Variants in COL17A1 observed in about 807,000 individuals in gnomAD.
COL17A1 encodes collagen alpha-1(XVII) chain.
A neutral mutation model predicts 218.4 loss-of-function variants in COL17A1; 181 were observed. That is an observed-to-expected ratio of 0.83 (90% CI 0.73 to 0.94). The LOEUF (loss-of-function observed/expected upper bound fraction) is 0.94. Ranked by LOEUF, COL17A1 falls within the 40% of genes least tolerant of loss-of-function variation. The probability of loss-of-function intolerance (pLI) is 0.00; values close to 1 mark genes in which losing one functional copy is unlikely to be tolerated. For synonymous variants in COL17A1, 721 were observed against 731.0 expected (o/e 0.99, Z 0.22); for missense variants, 1,924 against 1,945.9 (o/e 0.99, Z 0.21).
intron 2 of COL17A1, 152 bp from the exon 3 acceptor site, chr10:104,078,738 C>G: frequency 9.7e-7 from 1 of 1,035,614 alleles, no homozygotes; most frequent in Admixed American, 2.3e-5. Context: ...GTGATCTGAC[C>G]CACTGTGCAA....
At chr10:104,081,112 T>C (rs1016700977) in intron 1 of COL17A1, among the ~76,000 whole-genome samples, 2 of 152,262 alleles carry the variant, frequency 1.3e-5, no homozygotes, top group African/African-American at 4.8e-5. Flanking sequence ...ATGTTCTTTA[T>C]GGAACTCTAT....
At position 104,055,001 on chromosome 10, in the gene COL17A1, A is replaced by G. The variant is rs778896277; in HGVS notation, c.1724T>C (p.Met575Thr). ...ATTACCTTTAGGGCCTGGACTTCCC[A>G]TGTCACCTGAAACCAGAAAGATATG... is the stretch of plus-strand genomic sequence containing the variant. Reference protein sequence around the residue: ...LRGSPGPKGDMGSPGPKGDRG... With the variant: ...LRGSPGPKGDTGSPGPKGDRG... The change falls in exon 20 of 56, where the codon ATG becomes ACG. Residue 575 changes from methionine to threonine, a missense_variant. Transcript: ENST00000648076. 3 of 1,614,102 alleles carry G rather than the reference A, an allele frequency of 1.9e-6. No homozygotes were observed. The highest frequency in any genetic ancestry group is 1.7e-6 in the Non-Finnish European group (2 of 1,180,022).
chr10:104,071,841 C>T (rs979112567), intron 8 of COL17A1, among the ~76,000 whole-genome samples, 191 bp downstream of exon 8: 11 of 152,210 alleles, frequency 7.2e-5, no homozygotes, highest in Non-Finnish European at 1.2e-4. Flanking sequence ...GTTTACTCAG[C>T]GGCTTAACCC....
At chr10:104,077,651 C>G (rs1411171404) in intron 3 of COL17A1, 125 bp from the exon 4 acceptor site, 1 of 751,334 alleles carries the variant, frequency 1.3e-6, no homozygotes, top group Non-Finnish European at 2.3e-6. Flanking sequence ...GGGTTCCTTT[C>G]CCACCTACAT....
chr10:104,066,946 C>T (rs563612563), intron 9 of COL17A1, among the ~76,000 whole-genome samples: 22 of 152,202 alleles, frequency 1.4e-4, no homozygotes, highest in Admixed American at 1.3e-3. Context: ...GAAATAAGGC[C>T]GCTCTTGGAA....
chr10:104,059,183 C>T (rs189967747), intron 15 of COL17A1: 459 of 238,282 alleles, frequency 1.9e-3, no homozygotes, highest in Non-Finnish European at 2.7e-3. Context: ...TATGACTTAA[C>T]ATTTTCCTTC....
At chr10:104,077,254 T>C (rs1170445488) in intron 4 of COL17A1, among the ~76,000 whole-genome samples, 168 bp downstream of exon 4, 1 of 152,196 alleles carries the variant, frequency 6.6e-6, no homozygotes, top group African/African-American at 2.4e-5. Flanking sequence ...CTGTGTGTTA[T>C]TTAGATAACT....
intron 4 of COL17A1, 33 bp from the exon 5 acceptor site, chr10:104,076,462 C>CT: frequency 6.2e-7 from 1 of 1,613,326 alleles, no homozygotes; most frequent in Non-Finnish European, 8.5e-7. Context: ...GTTCTCAGTG[C>CT]TTCAGCAGAG....
chr10:104,057,097 G>A lies in COL17A1; in HGVS notation c.1343C>T (p.Pro448Leu). 6.2e-7 allele frequency: 1 copy of A among 1,612,876 alleles called. No homozygotes were observed. The highest frequency in any genetic ancestry group is 8.5e-7 in the Non-Finnish European group (1 of 1,179,348). Reference protein sequence around the residue: ...GGGVGGAGGGPWGPAPAWCPC... With the variant: ...GGGVGGAGGGLWGPAPAWCPC... The stretch of plus-strand genomic sequence containing the variant: ...GCACCAGGCTGGCGCTGGTCCCCAA[G>A]GGCCGCCGCCAGCGCCACCAACACC... The change falls in exon 17 of 56, where the codon CCT (proline) becomes CTT (leucine). Residue 448 changes from proline (P) to leucine (L), a missense_variant. Pro to Leu is a moderately conservative substitution (Grantham distance 98). Coordinates refer to ENST00000648076, the MANE Select transcript of COL17A1 (RefSeq NM_000494.4).
At chr10:104,065,150 G>GC (rs2086616509) in intron 9 of COL17A1, among the ~76,000 whole-genome samples, 3 of 152,180 alleles carry the variant, frequency 2.0e-5, no homozygotes, top group Admixed American at 2.0e-4. Flanking sequence ...CAGACACTGT[G>GC]CCCCCAAGAG....
chr10:104,035,187 C>T, intron 50 of COL17A1, 76 bp downstream of exon 50: 14 of 1,278,280 alleles, frequency 1.1e-5, no homozygotes, highest in Non-Finnish European at 1.6e-5. Context: ...TTAGACTGCC[C>T]TTGCTAAAGC....
intron 9 of COL17A1, among the ~76,000 whole-genome samples, chr10:104,067,334 T>TAAAAAAA (rs58260510): frequency 9.1e-6 from 1 of 110,424 alleles, no homozygotes; most frequent in African/African-American, 3.7e-5. Flanking sequence ...GGCTCAGGAA[T>TAAAAAAA]AAAAAAAAAA....
rs775277648 is a variant in COL17A1 at position 104,074,195 on chromosome 10, C to T, written c.368G>A (p.Arg123Gln). 63 of 1,614,044 alleles carry T rather than the reference C, an allele frequency of 3.9e-5. No individual in the cohort carries two copies. Among genetic ancestry groups the T allele is most frequent in the South Asian group, 5.5e-5 (5 of 91,084 alleles). The change falls in exon 6 of 56, where the codon CGG becomes CAG. Residue 123 changes from arginine (R) to glutamine (Q), a missense_variant. Coordinates refer to ENST00000648076, the MANE Select transcript of COL17A1 (RefSeq NM_000494.4). Reference sequence around the variant, plus strand: ...AGGAGAGGACATACCAAATTCCTTCCGAGGGTACTCCGGAGAAGAGTTGCC... The same window carrying T: ...AGGAGAGGACATACCAAATTCCTTCTGAGGGTACTCCGGAGAAGAGTTGCC... ...SSGNSSPEYP[R>Q]KEFASSSTRG...
chr10:104,078,622 A>G, intron 2 of COL17A1, 36 bp from the exon 3 acceptor site: 1 of 1,613,742 alleles, frequency 6.2e-7, no homozygotes, highest in African/African-American at 1.3e-5. Context: ...GTTCTTATGT[A>G]ATGCACTGAC....
chr10:104,076,733 G>C (rs554386863), intron 4 of COL17A1, among the ~76,000 whole-genome samples: 9 of 152,188 alleles, frequency 5.9e-5, no homozygotes, highest in African/African-American at 2.2e-4. Context: ...TGCCTCAACA[G>C]GTAAGGGCAG....
chr10:104,044,078 C>T (rs1564675005), intron 33 of COL17A1, among the ~76,000 whole-genome samples: 1 of 152,254 alleles, frequency 6.6e-6, no homozygotes, highest in Non-Finnish European at 1.5e-5. Context: ...CGTCTTCATT[C>T]AGAGAAGTGG....
chr10:104,078,277 T>C (rs531512943), intron 3 of COL17A1, among the ~76,000 whole-genome samples: 4 of 152,290 alleles, frequency 2.6e-5, no homozygotes, highest in African/African-American at 9.6e-5. Flanking sequence ...GAATGAGGAA[T>C]GACTGCTAAT....
intron 47 of COL17A1, among the ~76,000 whole-genome samples, 194 bp from the exon 48 acceptor site, chr10:104,036,826 G>T (rs1448106324): frequency 6.6e-6 from 1 of 152,206 alleles, no homozygotes; most frequent in Non-Finnish European, 1.5e-5. Flanking sequence ...CTGCCAGCTT[G>T]TCTGGCATGG....
In COL17A1 at chr10:104,037,028, C is replaced by A; in HGVS notation, c.3277+17G>T. ...GCAAAGATAGTCCCACCCTCGATCC[C>A]CCCACAGGTGACTCACGCTGCAGCA... is the stretch of plus-strand genomic sequence containing the variant. On this transcript the variant is annotated intron_variant, in intron 47 of 55. Coordinates refer to ENST00000648076, the MANE Select transcript of COL17A1 (RefSeq NM_000494.4). The A allele has an allele frequency of 2.5e-6, 4 of 1,597,898 alleles. No individual in the cohort carries two copies. Among genetic ancestry groups the A allele is most frequent in the Non-Finnish European group, 3.4e-6 (4 of 1,172,638 alleles).
Sources: gnomAD v4.1 joint callset for allele counts (sites outside exome capture counted in the v4.1 genomes callset) on GRCh38, gnomAD v4.1.1 for gene constraint, MANE v1.5 for transcripts, NCBI Gene and HGNC (gene_info 2026-07-23, HGNC 2026-07-21) for gene names.